RBMS3: variants seen among roughly 807,000 people sequenced by gnomAD.
The protein encoded by RBMS3 is RNA-binding motif, single-stranded-interacting protein 3.
Under a neutral mutation model 66.8 loss-of-function variants are expected in RBMS3, and 27 were observed. The observed-to-expected ratio is 0.40, with a 90% CI of 0.30 to 0.56. RBMS3 has a LOEUF of 0.56. RBMS3 is among the 20% of genes least tolerant of loss of function. RBMS3 has a pLI of 0.40. For missense variants in RBMS3, 513 were observed against 549.5 expected (o/e 0.93, Z 0.66); for synonymous variants, 188 against 183.0 (o/e 1.03, Z -0.22).
chr3:29,436,798 T>G (rs1327373263), intron 2 of RBMS3, among the ~76,000 whole-genome samples: 1 of 152,256 alleles, frequency 6.6e-6, no homozygotes, highest in African/African-American at 2.4e-5. Flanking sequence ...TCACTAGGTC[T>G]GGGGTAGAGC....
At chr3:29,977,464 A>G (rs1435995387) in intron 12 of RBMS3, among the ~76,000 whole-genome samples, 1 of 152,126 alleles carries the variant, frequency 6.6e-6, no homozygotes, top group East Asian at 1.9e-4. Flanking sequence ...TTCCACACTA[A>G]TAGAAACCAT....
At chr3:29,424,101 A>G (rs2040851794) in intron 1 of RBMS3, among the ~76,000 whole-genome samples, 2 of 152,362 alleles carry the variant, frequency 1.3e-5, no homozygotes, top group South Asian at 2.1e-4. Flanking sequence ...TTATTTTATA[A>G]TCTTTTGTAG....
intron 12 of RBMS3, among the ~76,000 whole-genome samples, chr3:29,978,837 G>A (rs919622380): frequency 1.3e-5 from 2 of 151,968 alleles, no homozygotes; most frequent in African/African-American, 4.8e-5. Flanking sequence ...CTGAATACTA[G>A]GTCAGAAGAA....
intron 4 of RBMS3, among the ~76,000 whole-genome samples, chr3:29,667,197 T>A (rs763506294): frequency 6.6e-6 from 1 of 152,232 alleles, no homozygotes; most frequent in African/African-American, 2.4e-5. Context: ...CTGAATGAGA[T>A]GAAATATGAT....
chr3:29,509,560 A>G (rs1576057972), intron 3 of RBMS3, among the ~76,000 whole-genome samples: 1 of 152,288 alleles, frequency 6.6e-6, no homozygotes, highest in South Asian at 2.1e-4. Context: ...TGGGTATTTA[A>G]TGTCTCACAT....
intron 6 of RBMS3, among the ~76,000 whole-genome samples, chr3:29,797,159 A>G (rs908061776): frequency 1.6e-4 from 24 of 152,244 alleles, no homozygotes; most frequent in Admixed American, 1.6e-3. Context: ...TACTTCATCT[A>G]TATTGAAAAT....
intron 4 of RBMS3, among the ~76,000 whole-genome samples, chr3:29,736,277 C>G (rs1217802474): frequency 6.6e-6 from 1 of 152,224 alleles, no homozygotes; most frequent in African/African-American, 2.4e-5. Context: ...ACGACACTAT[C>G]CAATGTGCTA....
intron 10 of RBMS3, among the ~76,000 whole-genome samples, chr3:29,931,247 G>T (rs2061114232): frequency 6.6e-6 from 1 of 152,168 alleles, no homozygotes; most frequent in South Asian, 2.1e-4. Context: ...GATTACAAAA[G>T]TTGTATAAAC....
In RBMS3 at chr3:29,496,210, A is replaced by G. The variant is rs539257570; in HGVS notation, c.307+7711A>G. On this transcript the variant is annotated intron_variant, in intron 3 of 14. Transcript: ENST00000383767. ...CCGCCCACATCAAAAAAAAAAAAAA[A>G]AAAGAAAAAAAGAAAAGACAAAAAA... Among the ~76,000 whole-genome samples, 32 of 150,236 alleles carry G rather than the reference A, an allele frequency of 2.1e-4. No individual in the cohort carries two copies. The East Asian group carries it at 3.1e-3, about 15-fold the overall frequency.
chr3:29,998,166 T>C (rs190184263), intron 14 of RBMS3, among the ~76,000 whole-genome samples: 4,969 of 152,240 alleles, frequency 0.033, 278 homozygotes, highest in African/African-American at 0.11. Flanking sequence ...CCATTCACAA[T>C]TGCTTCAAAG....
intron 6 of RBMS3, among the ~76,000 whole-genome samples, chr3:29,769,946 ATGTT>A (rs957980643): frequency 2.6e-5 from 4 of 151,944 alleles, no homozygotes; most frequent in African/African-American, 9.7e-5. Flanking sequence ...AGAGAGAAAA[ATGTT>A]TGTAAGAATA....
chr3:29,525,003 A>G (rs2045036582), intron 3 of RBMS3, among the ~76,000 whole-genome samples: 2 of 152,056 alleles, frequency 1.3e-5, no homozygotes, highest in African/African-American at 4.8e-5. Context: ...GCGGTGAGCT[A>G]TGATCATGGG....
intron 6 of RBMS3, among the ~76,000 whole-genome samples, chr3:29,815,457 C>T (rs1028254306): frequency 6.6e-6 from 1 of 152,054 alleles, no homozygotes; most frequent in Non-Finnish European, 1.5e-5. Flanking sequence ...TCTGGAGTAA[C>T]ATCTGGTTAG....
At position 29,488,511 on chromosome 3, in the gene RBMS3, G is replaced by A. The variant is rs748712805; in HGVS notation, c.307+12G>A. On this transcript the variant is annotated intron_variant, in intron 3 of 14. Coordinates refer to ENST00000383767, the MANE Select transcript of RBMS3 (RefSeq NM_001003793.3). Reference sequence around the variant, plus strand: ...AAATCAGTGCAAAGGTATGTGTAAGGGCATCCGTACCCTGAAATCTTGCCT... The same window carrying A: ...AAATCAGTGCAAAGGTATGTGTAAGAGCATCCGTACCCTGAAATCTTGCCT... 1.2e-6 allele frequency: 2 copies of A among 1,606,114 alleles called. No individual in the cohort carries two copies. Among genetic ancestry groups the A allele is most frequent in the Non-Finnish European group, 1.7e-6 (2 of 1,173,452 alleles).
At chr3:29,349,197 G>A (rs947010513) in intron 1 of RBMS3, among the ~76,000 whole-genome samples, 3 of 150,548 alleles carry the variant, frequency 2.0e-5, no homozygotes, top group African/African-American at 4.9e-5. Flanking sequence ...TTTGCACCCC[G>A]TGGAGATCTA....
intron 3 of RBMS3, among the ~76,000 whole-genome samples, chr3:29,503,030 CTT>C (rs1309996768): frequency 2.6e-5 from 4 of 152,120 alleles, no homozygotes; most frequent in Non-Finnish European, 5.9e-5. Context: ...TACCCAGTCT[CTT>C]TTCTTTTCTT....
rs568504003 is a variant in RBMS3 at position 29,726,395 on chromosome 3, A to G, written c.400-13325A>G. Among the ~76,000 whole-genome samples, 177 of 152,278 alleles carry G rather than the reference A, an allele frequency of 1.2e-3. 1 individual carries two copies. The highest frequency in any genetic ancestry group is 4.2e-3 in the African/African-American group (174 of 41,570). On this transcript the variant is annotated intron_variant, in intron 4 of 14. Transcript: ENST00000383767. ...AAGAGAAAGAAATAAAGGGTATTCA[A>G]ATGGAAAGAGAGGAAGTCAAATTGT... is the stretch of plus-strand genomic sequence containing the variant.
intron 1 of RBMS3, among the ~76,000 whole-genome samples, chr3:29,321,514 C>T (rs530189692): frequency 6.6e-5 from 10 of 152,158 alleles, no homozygotes; most frequent in Admixed American, 2.0e-4. Flanking sequence ...AAGAAAGAAA[C>T]TCATGTTGTG....
rs558144403 is a variant in RBMS3, at chr3:29,593,598, TTTTG to T, written c.399+6405_399+6408del. On this transcript the variant is annotated intron_variant, in intron 4 of 14. Transcript: ENST00000383767. ...TGTTCCTAGAATAATGTCCATGTCT[TTTTG>T]TTTGTTTGTTTTGCAATAAGATCAA... is the stretch of plus-strand genomic sequence containing the variant. Among the ~76,000 whole-genome samples, 879 of 152,330 alleles carry T rather than the reference TTTTG, an allele frequency of 5.8e-3. 2 individuals are homozygous for T. Among genetic ancestry groups the T allele is most frequent in the Non-Finnish European group, 9.9e-3 (672 of 68,034 alleles).
Sources: gnomAD v4.1 joint callset for allele counts (sites outside exome capture counted in the v4.1 genomes callset) on GRCh38, gnomAD v4.1.1 for gene constraint, MANE v1.5 for transcripts, NCBI Gene and HGNC (gene_info 2026-07-23, HGNC 2026-07-21) for gene names.